The following MAP3K5 variants were observed in gnomAD, a reference collection of about 807,000 sequenced individuals.
MAP3K5 encodes ASK-1.
Under a neutral mutation model 158.7 loss-of-function variants are expected in MAP3K5, and 56 were observed. The ratio of observed to expected loss-of-function variants is 0.35; its 90% CI spans 0.28 to 0.44. The LOEUF (loss-of-function observed/expected upper bound fraction) is 0.44, where lower values mean the gene tolerates loss of function less well. MAP3K5 is among the 20% of genes least tolerant of loss of function. The pLI, the probability that MAP3K5 is intolerant of heterozygous loss-of-function variation, is 1.00. For synonymous variants in MAP3K5, 579 were observed against 601.7 expected, an observed-to-expected ratio of 0.96 and a Z score of 0.55; for missense variants, 1,294 against 1,674.8, an observed-to-expected ratio of 0.77 and a Z score of 3.97.
chr6:136,580,416 G>C lies in MAP3K5; in HGVS notation c.3412-10C>G, dbSNP rs1774817383. ...GAAGAACTTTATTGACCTGGAGAGA[G>C]AGTGACATTTAGCCTACTTTAATTT... is the stretch of plus-strand genomic sequence containing the variant. On this transcript the variant is annotated splice_polypyrimidine_tract_variant and intron_variant, in intron 24 of 29. Coordinates refer to ENST00000359015, the MANE Select transcript of MAP3K5 (RefSeq NM_005923.4). 6.4e-7 allele frequency: 1 copy of C among 1,565,264 alleles called. No individual in the cohort carries two copies. The highest frequency in any genetic ancestry group is 8.8e-7 in the Non-Finnish European group (1 of 1,136,970).
At chr6:136,791,565 G>A in intron 1 of MAP3K5, 145 bp downstream of exon 1, 3 of 827,318 alleles carry the variant, frequency 3.6e-6, no homozygotes, top group Non-Finnish European at 2.0e-6. Context: ...GCGAGCGACA[G>A]GAGCAGTCAC....
chr6:136,682,488 T>G (rs1165943283), intron 7 of MAP3K5, among the ~76,000 whole-genome samples: 1 of 152,210 alleles, frequency 6.6e-6, no homozygotes, highest in Non-Finnish European at 1.5e-5. Context: ...ATTAATAATG[T>G]AAAAACTAAA....
Position 136,639,527 on chromosome 6 carries a change from A to T in MAP3K5, c.1934+16T>A. ...GGTAAGAAGAATCTTTTTCACACACAATGACTAATACGTACTTTTTACAAT... is the reference window on the plus strand; with the variant it reads ...GGTAAGAAGAATCTTTTTCACACACTATGACTAATACGTACTTTTTACAAT... On this transcript the variant is annotated intron_variant, in intron 13 of 29. Coordinates refer to ENST00000359015, the MANE Select transcript of MAP3K5 (RefSeq NM_005923.4). 7.0e-7 allele frequency: 1 copy of T among 1,421,116 alleles called. No individual in the cohort carries two copies. Among genetic ancestry groups the T allele is most frequent in the Non-Finnish European group, 9.8e-7 (1 of 1,020,966 alleles). The allele number at this position is 1,421,116 out of a possible 1,614,324, so 88.0% of individuals were successfully genotyped here.
chr6:136,681,655 G>A (rs909311903), intron 7 of MAP3K5, among the ~76,000 whole-genome samples: 4 of 152,006 alleles, frequency 2.6e-5, no homozygotes, highest in Non-Finnish European at 5.9e-5. Context: ...AAAACGAAAC[G>A]CCTGTAATCC....
chr6:136,658,313 C>CTTTTTTTTTT (rs57535051), intron 9 of MAP3K5, among the ~76,000 whole-genome samples: 4 of 90,488 alleles, frequency 4.4e-5, no homozygotes, highest in African/African-American at 1.7e-4. Flanking sequence ...TTCTTTCTTT[C>CTTTTTTTTTT]TTTTTTTTTT....
At chr6:136,663,563 G>A (rs1779097999) in intron 8 of MAP3K5, among the ~76,000 whole-genome samples, 1 of 150,136 alleles carries the variant, frequency 6.7e-6, no homozygotes, top group Admixed American at 6.6e-5. Context: ...ATCCAATCAA[G>A]GAACATTAAT....
intron 14 of MAP3K5, among the ~76,000 whole-genome samples, chr6:136,625,961 C>T (rs921234629): frequency 2.0e-5 from 3 of 152,098 alleles, no homozygotes; most frequent in African/African-American, 7.2e-5. Flanking sequence ...TTGAATACAA[C>T]TTCCAGAAAT....
In MAP3K5 at chr6:136,715,047, T is replaced by TA. The variant is rs777247908; in HGVS notation, c.588+5402dup. ...TAACTTTTCAGCCAATGGTTAAAGA[T>TA]AAAAATACAACTAAATTTTTTGAAC... On this transcript the variant is annotated intron_variant, in intron 2 of 29. Coordinates refer to ENST00000359015, the MANE Select transcript of MAP3K5 (RefSeq NM_005923.4). Among the ~76,000 whole-genome samples, 21 of 152,318 alleles carry TA rather than the reference T, an allele frequency of 1.4e-4. 1 individual carries two copies. The highest frequency in any genetic ancestry group is 1.2e-3 in the Admixed American group (18 of 15,302).
intron 25 of MAP3K5, among the ~76,000 whole-genome samples, chr6:136,574,299 G>A (rs1430015668): frequency 1.3e-5 from 2 of 152,200 alleles, no homozygotes; most frequent in African/African-American, 4.8e-5. Flanking sequence ...TGAGTGCAGT[G>A]TATAACACTT....
intron 1 of MAP3K5, among the ~76,000 whole-genome samples, chr6:136,782,062 A>G (rs968149794): frequency 2.0e-5 from 3 of 151,980 alleles, no homozygotes; most frequent in African/African-American, 7.3e-5. Flanking sequence ...CTGGAAAAAA[A>G]AAAAAAAAAA....
chr6:136,657,025 A>G (rs1267088710), intron 9 of MAP3K5, among the ~76,000 whole-genome samples: 2 of 152,228 alleles, frequency 1.3e-5, no homozygotes, highest in Non-Finnish European at 2.9e-5. Context: ...GGGCTTGGTA[A>G]CTTGGACTAG....
intron 18 of MAP3K5, among the ~76,000 whole-genome samples, chr6:136,610,675 A>T (rs554454227): frequency 2.0e-5 from 3 of 151,782 alleles, no homozygotes; most frequent in Non-Finnish European, 2.9e-5. Context: ...AAAGAAAAAT[A>T]AGTAACAAGT....
rs987239615 is a variant in MAP3K5, at chr6:136,592,261, T to C, written c.3137A>G (p.Lys1046Arg). The C allele has an allele frequency of 1.2e-6, 2 of 1,611,936 alleles. No individual in the cohort carries two copies. The highest frequency in any genetic ancestry group is 1.7e-6 in the Non-Finnish European group (2 of 1,179,176). The change falls in exon 23 of 30, where the codon AAG becomes AGG. Residue 1046 changes from lysine to arginine, a missense_variant. By Grantham distance (26) the Lys-to-Arg change is conservative (BLOSUM62 2). Around this residue, in one of 5 missense-constraint regions of MAP3K5, gnomAD observed 362 missense variants for 463.2 expected, o/e 0.78. Transcript: ENST00000359015. ...AAGGGTAGCTCGCCTCTCACTGTCC[T>C]TCCTCAGCATGAAGAATCCAGAATC... ...EKDSGFFMLR[K>R]DSERRATLHR... is the part of the protein sequence containing the mutation.
In MAP3K5 at chr6:136,558,814, T is replaced by C. The variant is rs747397810; in HGVS notation, c.4050A>G (p.Lys1350=). The change falls in exon 29 of 30, where the codon AAA becomes AAG. Residue 1350 remains lysine (K), a synonymous_variant. Coordinates refer to ENST00000359015, the MANE Select transcript of MAP3K5 (RefSeq NM_005923.4). Reference sequence around the variant, plus strand: ...AAAAGTGGTACCTTAGTCTCAAGCATTTTAAGTCATCACGTGTAACATAGT... The same window carrying C: ...AAAAGTGGTACCTTAGTCTCAAGCACTTTAAGTCATCACGTGTAACATAGT... ...VLYYVTRDDL[K]CLRLRGGMLC... is the part of the protein sequence containing the mutation. The C allele has an allele frequency of 6.9e-6, 11 of 1,599,238 alleles. No individual in the cohort carries two copies. The Admixed American group carries it at 1.2e-4, about 17-fold the overall frequency.
At chr6:136,671,648 T>C (rs1373739868) in intron 7 of MAP3K5, among the ~76,000 whole-genome samples, 1 of 152,206 alleles carries the variant, frequency 6.6e-6, no homozygotes, top group East Asian at 1.9e-4. Context: ...ACTTTCACTC[T>C]TGTTGCCTAG....
In MAP3K5 at chr6:136,666,364, T is replaced by C. The variant is rs531653185; in HGVS notation, c.1366+2919A>G. ...GAGTGCTCATCTTAATTGTTTACCC[T>C]TTATAAATAAATCAAAATTTCAAAA... On this transcript the variant is annotated intron_variant, in intron 8 of 29. Coordinates refer to ENST00000359015, the MANE Select transcript of MAP3K5 (RefSeq NM_005923.4). 3.3e-5 allele frequency among the ~76,000 whole-genome samples: 5 copies of C among 152,314 alleles called. No individual in the cohort carries two copies. In the East Asian group the frequency reaches 9.6e-4, roughly 29 times the overall value.
intron 1 of MAP3K5, among the ~76,000 whole-genome samples, chr6:136,751,151 T>C (rs1335224530): frequency 2.0e-5 from 1 of 48,942 alleles, no homozygotes; most frequent in Non-Finnish European, 5.7e-5. Flanking sequence ...CTCTGGCTGC[T>C]TTTTTTTTTT....
chr6:136,604,331 AAAG>A (rs1178180708), intron 19 of MAP3K5, among the ~76,000 whole-genome samples: 1 of 152,084 alleles, frequency 6.6e-6, no homozygotes, highest in Non-Finnish European at 1.5e-5. Flanking sequence ...CCACAAAAAA[AAAG>A]AAGAAAGAAA....
intron 1 of MAP3K5, among the ~76,000 whole-genome samples, chr6:136,759,162 T>C (rs1264637489): frequency 6.6e-6 from 1 of 151,946 alleles, no homozygotes; most frequent in Non-Finnish European, 1.5e-5. Context: ...CAGAGTGAGA[T>C]TGTCTAAAAA....
Sources: allele counts gnomAD v4.1 joint callset (sites outside exome capture counted in the v4.1 genomes callset), GRCh38; gene constraint gnomAD v4.1.1; regional missense constraint gnomAD v4.1.1; transcripts MANE v1.5; gene names NCBI Gene and HGNC (gene_info 2026-07-23, HGNC 2026-07-21).